OR1J2: variants seen among roughly 807,000 people sequenced by gnomAD.
OR1J2 encodes the protein olfactory receptor 1J2.
For synonymous variants in OR1J2, 142 were observed against 99.7 expected (o/e 1.42, Z -2.52); for missense variants, 304 against 246.1 (o/e 1.24, Z -1.57).
the OR1J2 span, chr9:122,554,046 G>A: frequency 6.2e-7 from 1 of 1,613,726 alleles, no homozygotes. Context: ...TAGGGCTGCT[G>A]TTCTCTATAT....
chr9:122,537,538 G>A, the OR1J2 span, among the ~76,000 whole-genome samples: 1 of 148,836 alleles, frequency 6.7e-6, no homozygotes, highest in African/African-American at 2.5e-5. Context: ...CTCTTTTTTG[G>A]TTCTATATGA....
At chr9:122,544,152 G>A in the OR1J2 span, among the ~76,000 whole-genome samples, 1 of 151,720 alleles carries the variant, frequency 6.6e-6, no homozygotes, top group African/African-American at 2.4e-5. Flanking sequence ...TAAAAATAAT[G>A]AATAAATTAA....
At chr9:122,539,160 C>T in the OR1J2 span, among the ~76,000 whole-genome samples, 2 of 152,018 alleles carry the variant, frequency 1.3e-5, no homozygotes, top group Admixed American at 6.6e-5. Flanking sequence ...GGTACATGTG[C>T]ACAATGTGCA....
At chr9:122,451,917 C>T in the OR1J2 span, among the ~76,000 whole-genome samples, 4 of 152,120 alleles carry the variant, frequency 2.6e-5, no homozygotes, top group Admixed American at 6.5e-5. Context: ...CTCGCTCTGT[C>T]GCCCAGGCTG....
upstream of OR1J2, chr9:122,510,763 T>G: frequency 8.8e-7 from 1 of 1,140,236 alleles, no homozygotes; most frequent in Non-Finnish European, 1.3e-6. Flanking sequence ...CCTCTAATAT[T>G]CTCAAGCATT....
the OR1J2 span, among the ~76,000 whole-genome samples, chr9:122,528,455 G>A: frequency 5.3e-5 from 8 of 152,058 alleles, no homozygotes; most frequent in Admixed American, 1.3e-4. Flanking sequence ...AAAATTAGCC[G>A]GGTGTGGTGG....
At chr9:122,526,483 C>T in the OR1J2 span, 1 of 1,573,298 alleles carries the variant, frequency 6.4e-7, no homozygotes, top group African/African-American at 1.4e-5. Flanking sequence ...GCAGCTGCTG[C>T]AATGTCCTTC....
chr9:122,567,849 G>C, the OR1J2 span: 4 of 1,613,864 alleles, frequency 2.5e-6, no homozygotes, highest in Admixed American at 6.7e-5. Context: ...GAGAAAACGA[G>C]TCACCAAAAC....
the OR1J2 span, among the ~76,000 whole-genome samples, chr9:122,529,636 G>T: frequency 2.0e-5 from 3 of 152,106 alleles, no homozygotes; most frequent in African/African-American, 7.2e-5. Flanking sequence ...CCCTAAAAGG[G>T]TTTCTCATCC....
the OR1J2 span, among the ~76,000 whole-genome samples, chr9:122,501,873 G>A: frequency 6.6e-6 from 1 of 152,186 alleles, no homozygotes; most frequent in African/African-American, 2.4e-5. Context: ...GAAAAGTGAG[G>A]AGTAAAGGAG....
the OR1J2 span, chr9:122,477,432 C>G: frequency 1.9e-5 from 30 of 1,613,836 alleles, no homozygotes; most frequent in Admixed American, 4.8e-4. Flanking sequence ...AGAAGGAAAG[C>G]TGGGCCAGGA....
At chr9:122,565,132 CAA>C in the OR1J2 span, among the ~76,000 whole-genome samples, 1 of 152,124 alleles carries the variant, frequency 6.6e-6, no homozygotes, top group African/African-American at 2.4e-5. Flanking sequence ...CTCTTACACC[CAA>C]GAGAGAGGCA....
the OR1J2 span, among the ~76,000 whole-genome samples, chr9:122,466,781 C>G: frequency 6.6e-6 from 1 of 152,188 alleles, no homozygotes; most frequent in Non-Finnish European, 1.5e-5. Context: ...ACTTCTCCCA[C>G]TTAATTTTCT....
chr9:122,554,242 T>G, the OR1J2 span: 1 of 1,097,370 alleles, frequency 9.1e-7, no homozygotes, highest in African/African-American at 1.6e-5. Context: ...ACTACTGTCA[T>G]GTTGATATTA....
chr9:122,532,914 G>A, the OR1J2 span, among the ~76,000 whole-genome samples: 5 of 152,102 alleles, frequency 3.3e-5, no homozygotes, highest in East Asian at 1.9e-4. Context: ...GGGAGAGCAC[G>A]TGTGTTTTTA....
At chr9:122,512,663 A>G (rs958192663), downstream of OR1J2, among the ~76,000 whole-genome samples, 1 of 152,180 alleles carries the variant, frequency 6.6e-6, no homozygotes, top group East Asian at 1.9e-4. Context: ...TCTCATTTGT[A>G]TATAATATAG....
chr9:122,485,491 T>C, the OR1J2 span, among the ~76,000 whole-genome samples: 5,255 of 152,290 alleles, frequency 0.035, 270 homozygotes, highest in African/African-American at 0.12. Flanking sequence ...AGTGAACATG[T>C]AGTGTGATGT....
the OR1J2 span, chr9:122,567,443 T>G: frequency 2.4e-6 from 2 of 817,348 alleles, no homozygotes; most frequent in Non-Finnish European, 3.9e-6. Flanking sequence ...CTCACATGGG[T>G]CAGAAGTGCT....
chr9:122,496,559 G>A, the OR1J2 span, among the ~76,000 whole-genome samples: 1 of 152,166 alleles, frequency 6.6e-6, no homozygotes, highest in Non-Finnish European at 1.5e-5. Context: ...TTGAGGACAT[G>A]TGCCTGAGAC....
Sources: gnomAD v4.1 joint callset for allele counts (sites outside exome capture counted in the v4.1 genomes callset) on GRCh38, gnomAD v4.1.1 for gene constraint, MANE v1.5 for transcripts, NCBI Gene and HGNC (gene_info 2026-07-23, HGNC 2026-07-21) for gene names.